TRA2B: variants seen among roughly 807,000 people sequenced by gnomAD.
TRA2B encodes the protein transformer 2 beta homolog.
In TRA2B, 14 loss-of-function variants were observed where a neutral mutation model predicts 41.7. That is an observed-to-expected ratio of 0.34 (90% CI 0.22 to 0.53). The LOEUF (loss-of-function observed/expected upper bound fraction) is 0.53, where lower values mean the gene tolerates loss of function less well. Ranked by LOEUF, TRA2B falls within the 20% of genes least tolerant of loss-of-function variation. The pLI, the probability that TRA2B is intolerant of heterozygous loss-of-function variation, is 0.95. For synonymous variants in TRA2B, 130 were observed against 128.8 expected, an observed-to-expected ratio of 1.01 and a Z score of -0.06; for missense variants, 167 against 396.8, an observed-to-expected ratio of 0.42 and a Z score of 4.92.
chr3:185,918,298 G>A (rs1395325866), intron 8 of TRA2B, 67 bp downstream of exon 8: 11 of 1,135,226 alleles, frequency 9.7e-6, no homozygotes, highest in Non-Finnish European at 1.4e-5. Flanking sequence ...ATCTGATAAA[G>A]GGAATACACT....
rs1578470037 is a variant in TRA2B, at chr3:185,917,826, C to G, written c.857-101G>C. ...AGAATATTCTGCCATTAAGAAATTC[C>G]TATGTGCCAGAACCCCACCACCCCC... On this transcript the variant is annotated intron_variant, in intron 8 of 8. Transcript: ENST00000453386. The G allele has an allele frequency of 4.6e-6, 6 of 1,304,900 alleles. No homozygotes were observed. The East Asian group carries it at 1.2e-4, about 25-fold the overall frequency. 80.8% of individuals were successfully genotyped at this position (1,304,900 alleles called of 1,614,324 possible). A position where few individuals can be genotyped will look rare whatever the true frequency, so the allele number is the denominator to read the frequency against.
intron 6 of TRA2B, among the ~76,000 whole-genome samples, chr3:185,920,240 GCATT>G (rs778138024): frequency 3.9e-5 from 6 of 152,200 alleles, no homozygotes; most frequent in Non-Finnish European, 5.9e-5. Flanking sequence ...TACGATGCAT[GCATT>G]AAGAGATTAC....
chr3:185,918,314 C>G (rs1166279384), intron 8 of TRA2B, 51 bp downstream of exon 8: 1 of 1,359,386 alleles, frequency 7.4e-7, no homozygotes, highest in South Asian at 1.2e-5. Context: ...ACACTGTCAT[C>G]AGAGCAAGCC....
At chr3:185,933,631 A>C (rs1027601608) in intron 1 of TRA2B, among the ~76,000 whole-genome samples, 1 of 152,172 alleles carries the variant, frequency 6.6e-6, no homozygotes, top group Admixed American at 6.5e-5. Flanking sequence ...GTCAATGCTC[A>C]TATCAATATA....
At position 185,934,612 on chromosome 3, in the gene TRA2B, C is replaced by T. The variant is rs1336689651; in HGVS notation, c.36+3213G>A. 7 of 985,138 alleles carry T rather than the reference C, an allele frequency of 7.1e-6. No individual in the cohort carries two copies. The African/African-American group carries it at 1.2e-4, about 17-fold the overall frequency. 61.0% of individuals were successfully genotyped at this position (985,138 alleles called of 1,614,324 possible). A position where few individuals can be genotyped will look rare whatever the true frequency, so the allele number is the denominator to read the frequency against. On this transcript the variant is annotated intron_variant, in intron 1 of 8. Coordinates refer to ENST00000453386, the MANE Select transcript of TRA2B (RefSeq NM_004593.3). ...TTTCCTCCTATTTGACAATTCAATC[C>T]TTTTTTAAAGGAAATTTGGTGAGAT...
At position 185,936,137 on chromosome 3, in the gene TRA2B, G is replaced by A. The variant is rs1744343373; in HGVS notation, c.36+1688C>T. ...ATTCTTCACGTGTATTCAATCGAGA[G>A]CTCTAGTCAGAAGCCAGTCATTTAG... On this transcript the variant is annotated intron_variant, in intron 1 of 8. Transcript: ENST00000453386. The A allele has an allele frequency of 3.0e-6, 3 of 985,364 alleles. No individual in the cohort carries two copies. In the South Asian group the frequency reaches 1.4e-4, roughly 46 times the overall value. The allele number at this position is 985,364 out of a possible 1,614,324, so 61.0% of individuals were successfully genotyped here. A position where few individuals can be genotyped will look rare whatever the true frequency, so the allele number is the denominator to read the frequency against.
chr3:185,934,754 A>T lies in TRA2B; in HGVS notation c.36+3071T>A, dbSNP rs546162171. The T allele has an allele frequency of 1.0e-5, 10 of 985,460 alleles. No homozygotes were observed. In the African/African-American group the frequency reaches 1.7e-4, roughly 17 times the overall value. The allele number at this position is 985,460 out of a possible 1,614,324, so 61.0% of individuals were successfully genotyped here. A position where few individuals can be genotyped will look rare whatever the true frequency, so the allele number is the denominator to read the frequency against. On this transcript the variant is annotated intron_variant, in intron 1 of 8. Coordinates refer to ENST00000453386, the MANE Select transcript of TRA2B (RefSeq NM_004593.3). ...AAAAGACATCCCAAGATTCAGCAGAAGATGAGAAAAACTGCAGAATTTGAA... is the reference window on the plus strand; with the variant it reads ...AAAAGACATCCCAAGATTCAGCAGATGATGAGAAAAACTGCAGAATTTGAA...
intron 6 of TRA2B, among the ~76,000 whole-genome samples, chr3:185,920,694 C>A (rs1194613972): frequency 6.6e-6 from 1 of 152,082 alleles, no homozygotes; most frequent in Non-Finnish European, 1.5e-5. Context: ...CAGGCGTGCA[C>A]CACCACAACC....
At chr3:185,933,165 C>G (rs1744213626) in intron 1 of TRA2B, among the ~76,000 whole-genome samples, 1 of 152,096 alleles carries the variant, frequency 6.6e-6, no homozygotes, top group African/African-American at 2.4e-5. Flanking sequence ...CCTAAAACTT[C>G]GATACAGACA....
At chr3:185,928,470 T>C (rs1744034043) in intron 1 of TRA2B, 1 of 152,206 alleles carries the variant, frequency 6.6e-6, no homozygotes, top group South Asian at 2.1e-4. Flanking sequence ...AAGGATGTAG[T>C]GATGCTCTGG....
intron 1 of TRA2B, among the ~76,000 whole-genome samples, chr3:185,932,599 AAAT>A (rs1744192136): frequency 6.6e-6 from 1 of 152,220 alleles, no homozygotes; most frequent in Admixed American, 6.5e-5. Context: ...TCAATTTAGA[AAAT>A]ATTAAGTCTT....
chr3:185,935,735 G>A lies in TRA2B; in HGVS notation c.36+2090C>T, dbSNP rs976666394. 6.8e-5 allele frequency: 67 copies of A among 985,300 alleles called. No individual in the cohort carries two copies. In the African/African-American group the frequency reaches 1.1e-3, roughly 16 times the overall value. The allele number at this position is 985,300 out of a possible 1,614,324, so 61.0% of individuals were successfully genotyped here. On this transcript the variant is annotated intron_variant, in intron 1 of 8. Transcript: ENST00000453386. ...CCATTGAGCTTTATGGTTTTCCCAAGCTTGCTTTGGAAGCCTAGACACGTG... is the reference window on the plus strand; with the variant it reads ...CCATTGAGCTTTATGGTTTTCCCAAACTTGCTTTGGAAGCCTAGACACGTG...
chr3:185,917,902 T>C (rs1438771290), intron 8 of TRA2B, among the ~76,000 whole-genome samples, 177 bp from the exon 9 acceptor site: 1 of 152,134 alleles, frequency 6.6e-6, no homozygotes, highest in African/African-American at 2.4e-5. Flanking sequence ...GAGATAGCAA[T>C]CTTAAATAAC....
chr3:185,924,924 C>G (rs753829612), intron 3 of TRA2B: 4 of 152,210 alleles, frequency 2.6e-5, no homozygotes, highest in East Asian at 1.9e-4. Flanking sequence ...TAACAATTTA[C>G]TAGGGAAAAA....
At chr3:185,931,937 T>C (rs1269250382) in intron 1 of TRA2B, 1 of 940,954 alleles carries the variant, frequency 1.1e-6, no homozygotes, top group Non-Finnish European at 1.4e-6. Flanking sequence ...AAAAAAAAAA[T>C]CCCTTTGTTG....
chr3:185,931,981 A>G, intron 1 of TRA2B: 1 of 644,418 alleles, frequency 1.6e-6, no homozygotes, highest in Non-Finnish European at 2.3e-6. Context: ...AGAAACTAGA[A>G]TATGCAGCTC....
At chr3:185,921,281 A>C in intron 5 of TRA2B, 94 bp from the exon 6 acceptor site, 1 of 1,041,516 alleles carries the variant, frequency 9.6e-7, no homozygotes, top group South Asian at 1.3e-5. Flanking sequence ...CATTAACTGG[A>C]AAATGAAAAT....
intron 3 of TRA2B, 104 bp from the exon 4 acceptor site, chr3:185,924,088 T>C: frequency 1.0e-6 from 1 of 984,764 alleles, no homozygotes; most frequent in Non-Finnish European, 1.5e-6. Flanking sequence ...ACAAGAAAAG[T>C]ACATAATGAT....
chr3:185,934,677 T>TCA, intron 1 of TRA2B: 1 of 985,324 alleles, frequency 1.0e-6, no homozygotes, highest in Non-Finnish European at 1.2e-6. Flanking sequence ...CAGAGATGTT[T>TCA]CAGTTTTGAA....
Sources: gnomAD v4.1 joint callset for allele counts (sites outside exome capture counted in the v4.1 genomes callset) on GRCh38, gnomAD v4.1.1 for gene constraint, MANE v1.5 for transcripts, NCBI Gene and HGNC (gene_info 2026-07-23, HGNC 2026-07-21) for gene names.